Variants in CERS3 observed in about 807,000 individuals in gnomAD.
CERS3 encodes the protein ceramide synthase 3.
Under a neutral mutation model 50.3 loss-of-function variants are expected in CERS3, and 33 were observed. That is an observed-to-expected ratio of 0.66 (90% confidence interval 0.50 to 0.88). The LOEUF (loss-of-function observed/expected upper bound fraction) is 0.88, where lower values mean the gene tolerates loss of function less well. Among genes scored for constraint, CERS3 ranks in the 40% least tolerant of loss-of-function variants. CERS3 has a pLI of 0.00. For missense variants in CERS3, 470 were observed against 460.3 expected, an observed-to-expected ratio of 1.02 and a Z score of -0.19; for synonymous variants, 176 against 155.2, an observed-to-expected ratio of 1.13 and a Z score of -0.99.
At chr15:100,403,306 AAG>A (rs1188717379) in intron 11 of CERS3, among the ~76,000 whole-genome samples, 1 of 152,212 alleles carries the variant, frequency 6.6e-6, no homozygotes, top group Non-Finnish European at 1.5e-5. Flanking sequence ...TATATTCAAT[AAG>A]AAAAAAAGTT....
intron 2 of CERS3, among the ~76,000 whole-genome samples, chr15:100,516,058 A>G (rs1009451155): frequency 3.9e-5 from 6 of 152,030 alleles, no homozygotes; most frequent in African/African-American, 1.5e-4. Flanking sequence ...AAGGTTAGTC[A>G]CCTGGTTCTG....
At chr15:100,476,063 A>G (rs1330257661) in intron 8 of CERS3, 23 bp downstream of exon 8, 1 of 1,477,564 alleles carries the variant, frequency 6.8e-7, no homozygotes. Flanking sequence ...TTGATAAAGA[A>G]GCTTTGTAAA....
At chr15:100,402,992 T>A in intron 11 of CERS3, 127 bp from the exon 12 acceptor site, 1 of 891,242 alleles carries the variant, frequency 1.1e-6, no homozygotes, top group Non-Finnish European at 1.7e-6. Flanking sequence ...AACTAAACAT[T>A]CACCAAGATT....
intron 3 of CERS3, among the ~76,000 whole-genome samples, chr15:100,492,599 A>G (rs779795491): frequency 3.3e-5 from 5 of 152,160 alleles, no homozygotes; most frequent in Non-Finnish European, 5.9e-5. Flanking sequence ...GTGTCTTTAA[A>G]CAAACAGGTG....
intron 8 of CERS3, among the ~76,000 whole-genome samples, chr15:100,474,918 T>C (rs1472452110): frequency 6.6e-6 from 1 of 152,202 alleles, no homozygotes; most frequent in Non-Finnish European, 1.5e-5. Flanking sequence ...AGCTTTATGT[T>C]TCTGAAGATA....
In CERS3 at chr15:100,406,974, T is replaced by C. The variant is rs111904387; in HGVS notation, c.1000-4109A>G. ...GAGCTTGTGCAGGGGAACTCCTCTT[T>C]TTGACACCATCAGATCTTGTGAGAC... On this transcript the variant is annotated intron_variant, in intron 11 of 11. Transcript: ENST00000679737. Among the ~76,000 whole-genome samples the C allele has an allele frequency of 1.2e-3, 181 of 152,256 alleles. 1 individual carries two copies. Among genetic ancestry groups the C allele is most frequent in the African/African-American group, 4.2e-3 (176 of 41,564 alleles).
chr15:100,452,734 G>C (rs1416048579), intron 11 of CERS3, among the ~76,000 whole-genome samples: 1 of 151,834 alleles, frequency 6.6e-6, no homozygotes, highest in East Asian at 1.9e-4. Context: ...TGAAAAGATA[G>C]ACAAAATAGA....
At chr15:100,522,701 T>C (rs2036672592) in intron 1 of CERS3, among the ~76,000 whole-genome samples, 1 of 152,246 alleles carries the variant, frequency 6.6e-6, no homozygotes, top group African/African-American at 2.4e-5. Flanking sequence ...TCACGATCTG[T>C]GTTCCCATTC....
chr15:100,456,882 G>A (rs191775108), intron 10 of CERS3, among the ~76,000 whole-genome samples: 2 of 151,780 alleles, frequency 1.3e-5, no homozygotes, highest in Non-Finnish European at 2.9e-5. Context: ...GGGAGGTGGA[G>A]GTTGCAGTGA....
At chr15:100,532,356 C>T (rs766983405), upstream of CERS3, among the ~76,000 whole-genome samples, 2 of 152,160 alleles carry the variant, frequency 1.3e-5, no homozygotes, top group African/African-American at 4.8e-5. Context: ...CTTAACCTAA[C>T]CGGCAAAATT....
At chr15:100,485,524 G>T (rs1327922517) in intron 4 of CERS3, among the ~76,000 whole-genome samples, 2 of 152,132 alleles carry the variant, frequency 1.3e-5, no homozygotes, top group Admixed American at 6.5e-5. Context: ...CGTCTACAAA[G>T]AAATATGCTC....
intron 9 of CERS3, among the ~76,000 whole-genome samples, chr15:100,472,413 C>T (rs1018749344): frequency 6.7e-6 from 1 of 149,102 alleles, no homozygotes. Context: ...CTTCAGAAAA[C>T]ATTCTAAGCC....
chr15:100,450,223 A>G (rs552491277), intron 11 of CERS3, among the ~76,000 whole-genome samples: 1 of 152,198 alleles, frequency 6.6e-6, no homozygotes, highest in African/African-American at 2.4e-5. Context: ...GACCAAAACC[A>G]TTCTGGCCAA....
chr15:100,487,240 C>G (rs1158207496), intron 4 of CERS3, among the ~76,000 whole-genome samples: 1 of 152,184 alleles, frequency 6.6e-6, no homozygotes, highest in African/African-American at 2.4e-5. Flanking sequence ...GGAAGACATG[C>G]TTAAACACGC....
intron 11 of CERS3, among the ~76,000 whole-genome samples, chr15:100,424,041 A>G (rs2032650215): frequency 6.6e-6 from 1 of 150,646 alleles, no homozygotes; most frequent in Non-Finnish European, 1.5e-5. Flanking sequence ...TCCCGAGTTT[A>G]AGTGATCCTC....
chr15:100,477,992 C>A (rs918314699), intron 7 of CERS3, among the ~76,000 whole-genome samples: 1 of 152,124 alleles, frequency 6.6e-6, no homozygotes, highest in Non-Finnish European at 1.5e-5. Flanking sequence ...ATCATCCTGA[C>A]CATCTATACT....
At chr15:100,448,688 C>T (rs1217929324) in intron 11 of CERS3, among the ~76,000 whole-genome samples, 1 of 152,274 alleles carries the variant, frequency 6.6e-6, no homozygotes, top group Non-Finnish European at 1.5e-5. Context: ...TGGAGCCCCA[C>T]TGACATTCCC....
intron 1 of CERS3, among the ~76,000 whole-genome samples, chr15:100,542,581 A>C (rs2037226568): frequency 2.0e-5 from 3 of 152,318 alleles, no homozygotes; most frequent in South Asian, 4.1e-4. Context: ...ACATGGAGCT[A>C]ATTAGTGCAT....
chr15:100,543,782 G>A (rs1354457458), intron 1 of CERS3, among the ~76,000 whole-genome samples: 1 of 152,104 alleles, frequency 6.6e-6, no homozygotes, highest in Non-Finnish European at 1.5e-5. Context: ...CGCCCACCTT[G>A]GCCTCTCAAA....
Sources: gnomAD v4.1 joint callset for allele counts (sites outside exome capture counted in the v4.1 genomes callset) on GRCh38, gnomAD v4.1.1 for gene constraint, MANE v1.5 for transcripts, NCBI Gene and HGNC (gene_info 2026-07-23, HGNC 2026-07-21) for gene names.